CCNL1: variants seen among roughly 807,000 people sequenced by gnomAD.
The protein encoded by CCNL1 is cyclin L1.
CCNL1 carries 13 observed loss-of-function variants against 60.6 expected under a neutral mutation model. The observed-to-expected ratio is 0.21, with a 90% CI of 0.14 to 0.34. CCNL1 has a LOEUF of 0.34. Ranked by LOEUF, CCNL1 falls within the 10% of genes least tolerant of loss-of-function variation. The pLI is 1.00. For synonymous variants in CCNL1, 270 were observed against 244.3 expected, an observed-to-expected ratio of 1.10 and a Z score of -0.98; for missense variants, 481 against 664.3, an observed-to-expected ratio of 0.72 and a Z score of 3.03.
chr3:157,150,397 A>G lies in CCNL1; in HGVS notation c.675-16T>C, dbSNP rs762702319. On this transcript the variant is annotated splice_polypyrimidine_tract_variant and intron_variant, in intron 5 of 10. Transcript: ENST00000295926. ...CATGTAATTCCTGAAAAATATTTCAACTATAAGCTTGCATGTAAACAAACC... is the reference window on the plus strand; with the variant it reads ...CATGTAATTCCTGAAAAATATTTCAGCTATAAGCTTGCATGTAAACAAACC... 20 of 1,611,266 alleles carry G rather than the reference A, an allele frequency of 1.2e-5. No homozygotes were observed. In the South Asian group the frequency reaches 1.7e-4, roughly 13 times the overall value.
At chr3:157,150,577 G>C in intron 5 of CCNL1, 196 bp from the exon 6 acceptor site, 2 of 1,304,470 alleles carry the variant, frequency 1.5e-6, no homozygotes, top group Admixed American at 3.2e-5. Flanking sequence ...GACCATATGC[G>C]ATTTTCCTAT....
At chr3:157,156,907 T>A in intron 3 of CCNL1, 1 of 1,282,240 alleles carries the variant, frequency 7.8e-7, no homozygotes, top group Non-Finnish European at 1.0e-6. Context: ...GAAACAGGAG[T>A]TTTTCTAAAT....
chr3:157,159,596 G>T (rs895900432), intron 1 of CCNL1, 117 bp from the exon 2 acceptor site: 21 of 1,087,014 alleles, frequency 1.9e-5, no homozygotes, highest in Non-Finnish European at 2.5e-5. Context: ...CCGCCGCTGC[G>T]AACAGCCCGC....
In CCNL1 at chr3:157,148,503, T is replaced by G; in HGVS notation, c.1319A>C (p.His440Pro). 6.2e-7 allele frequency: 1 copy of G among 1,614,234 alleles called. No homozygotes were observed. Among genetic ancestry groups the G allele is most frequent in the Non-Finnish European group, 8.5e-7 (1 of 1,180,046 alleles). Residue 440 changes from histidine to proline, a missense_variant, in exon 11 of 11, where the codon CAT (histidine) becomes CCT (proline). Around this residue, in one of 5 missense-constraint regions of CCNL1, gnomAD observed 197 missense variants for 233.9 expected, o/e 0.84. Coordinates refer to ENST00000295926, the MANE Select transcript of CCNL1 (RefSeq NM_020307.4). Reference sequence around the variant, plus strand: ...AAGGTGAGGAGAACCATGATTATGATGTCTTCGAGGGCTTTCACTGTGACT... The same window carrying G: ...AAGGTGAGGAGAACCATGATTATGAGGTCTTCGAGGGCTTTCACTGTGACT... ...SRSHSESPRR[H>P]HNHGSPHLKA...
downstream of CCNL1, among the ~76,000 whole-genome samples, chr3:157,147,379 A>C (rs1362510620): frequency 6.6e-6 from 1 of 152,164 alleles, no homozygotes; most frequent in Non-Finnish European, 1.5e-5. Flanking sequence ...CAGGGGCCTC[A>C]CATTTTCTCC....
At chr3:157,159,753 G>C (rs1458833546) in intron 1 of CCNL1, 39 bp downstream of exon 1, 1 of 1,482,080 alleles carries the variant, frequency 6.7e-7, no homozygotes, top group East Asian at 2.5e-5. Flanking sequence ...CGGAGGAGAG[G>C]AGAGGAGCGC....
intron 4 of CCNL1, 48 bp from the exon 5 acceptor site, chr3:157,152,289 T>C: frequency 6.3e-7 from 1 of 1,583,862 alleles, no homozygotes. Flanking sequence ...GGTAGTTCTT[T>C]CGGAGTAGAG....
intron 5 of CCNL1, chr3:157,150,900 T>C (rs963970067): frequency 8.3e-5 from 82 of 984,060 alleles, no homozygotes; most frequent in Non-Finnish European, 9.5e-5. Context: ...ACTTAGAAAA[T>C]CTAGATAGGG....
At position 157,160,122 on chromosome 3, in the gene CCNL1, A is replaced by G. The variant is rs1184806834; in HGVS notation, c.-28T>C. On this transcript the variant is annotated 5_prime_UTR_variant, in exon 1 of 11. Transcript: ENST00000295926. ...TCTTAGCGAGCCGCACGCAAGCCCA[A>G]CGCAGCCGGAACCCGAAACAAGACT... is the stretch of plus-strand genomic sequence containing the variant. 5 of 1,528,016 alleles carry G rather than the reference A, an allele frequency of 3.3e-6. No homozygotes were observed. The highest frequency in any genetic ancestry group is 4.4e-6 in the Non-Finnish European group (5 of 1,135,142). The allele number at this position is 1,528,016 out of a possible 1,614,324, so 94.7% of individuals were successfully genotyped here. A position where few individuals can be genotyped will look rare whatever the true frequency, so the allele number is the denominator to read the frequency against.
intron 4 of CCNL1, 150 bp downstream of exon 4, chr3:157,152,886 A>C: frequency 7.1e-7 from 1 of 1,408,192 alleles, no homozygotes; most frequent in South Asian, 1.6e-5. Context: ...CAACATCCAA[A>C]AGAATGTTTT....
chr3:157,146,496 C>T, downstream of CCNL1: 1 of 448,572 alleles, frequency 2.2e-6, no homozygotes, highest in Non-Finnish European at 4.4e-6. Flanking sequence ...AGATTAGGGA[C>T]ATAAGTAATT....
At chr3:157,150,625 A>G in intron 5 of CCNL1, 1 of 1,193,058 alleles carries the variant, frequency 8.4e-7, no homozygotes, top group African/African-American at 1.5e-5. Flanking sequence ...TCATATTACA[A>G]TCCAAACTAG....
Position 157,150,657 on chromosome 3 carries a change from T to C in CCNL1, c.675-276A>G, listed in dbSNP as rs1479639493. The C allele has an allele frequency of 2.7e-6, 3 of 1,129,856 alleles. No homozygotes were observed. In the East Asian group the frequency reaches 1.4e-4, roughly 51 times the overall value. The allele number at this position is 1,129,856 out of a possible 1,614,324, so 70.0% of individuals were successfully genotyped here. A position where few individuals can be genotyped will look rare whatever the true frequency, so the allele number is the denominator to read the frequency against. On this transcript the variant is annotated intron_variant, in intron 5 of 10. Coordinates refer to ENST00000295926, the MANE Select transcript of CCNL1 (RefSeq NM_020307.4). ...CTAGAAATTACTCCTAAAAAGTTAATATATTTCTGTAAAAAGCAATGCTTT... is the reference window on the plus strand; with the variant it reads ...CTAGAAATTACTCCTAAAAAGTTAACATATTTCTGTAAAAAGCAATGCTTT...
At chr3:157,159,666 G>C in intron 1 of CCNL1, 126 bp downstream of exon 1, 1 of 1,076,260 alleles carries the variant, frequency 9.3e-7, no homozygotes, top group East Asian at 2.7e-5. Flanking sequence ...GCCGCGGCTG[G>C]GCCCCGAACG....
At position 157,159,727 on chromosome 3, in the gene CCNL1, G is replaced by A. The variant is rs6797456; in HGVS notation, c.303+65C>T. 6,865 of 1,359,942 alleles carry A rather than the reference G, an allele frequency of 5.0e-3. 294 individuals are homozygous for A. The African/African-American group carries it at 0.089, about 18-fold the overall frequency. The allele number at this position is 1,359,942 out of a possible 1,614,324, so 84.2% of individuals were successfully genotyped here. The stretch of plus-strand genomic sequence containing the variant: ...CCCTCCCGGGGCACGGTGATACTGA[G>A]ATGCGGCGTAGGGGACGGAGGAGAG... On this transcript the variant is annotated intron_variant, in intron 1 of 10. Coordinates refer to ENST00000295926, the MANE Select transcript of CCNL1 (RefSeq NM_020307.4).
chr3:157,154,319 A>C (rs1738422622), intron 3 of CCNL1: 1 of 152,224 alleles, frequency 6.6e-6, no homozygotes, highest in African/African-American at 2.4e-5. Flanking sequence ...ACACATTCTT[A>C]GATTCAACCA....
chr3:157,154,385 T>C (rs1035111814), intron 3 of CCNL1: 1 of 152,196 alleles, frequency 6.6e-6, no homozygotes, highest in African/African-American at 2.4e-5. Flanking sequence ...ACAAGTAGAA[T>C]ACTTCAATAT....
intron 4 of CCNL1, 135 bp downstream of exon 4, chr3:157,152,901 T>C: frequency 1.4e-6 from 2 of 1,438,834 alleles, no homozygotes; most frequent in South Asian, 1.5e-5. Context: ...TGTTTTTCGA[T>C]GAAGCCTGAA....
At position 157,148,422 on chromosome 3, in the gene CCNL1, C is replaced by T; in HGVS notation, c.1400G>A (p.Arg467Lys). ...CTGAGATCGAGAACGAGATTTTTTC[C>T]TTTTATGACCATGTCTGTTTGAACT... The part of the protein sequence containing the change: ...LKSSNRHGHK[R>K]KKSRSRSQSK... The change falls in exon 11 of 11, where the codon AGG becomes AAG. Residue 467 changes from arginine to lysine, a missense_variant. Physicochemically the swap from Arg to Lys is conservative, Grantham distance 26. Transcript: ENST00000295926. 1 of 1,614,068 alleles carries T rather than the reference C, an allele frequency of 6.2e-7. No homozygotes were observed. Among genetic ancestry groups the T allele is most frequent in the East Asian group, 2.2e-5 (1 of 44,886 alleles).
Sources: allele counts gnomAD v4.1 joint callset (sites outside exome capture counted in the v4.1 genomes callset), GRCh38; gene constraint gnomAD v4.1.1; regional missense constraint gnomAD v4.1.1; transcripts MANE v1.5; gene names NCBI Gene and HGNC (gene_info 2026-07-23, HGNC 2026-07-21).